SPATA7: variants seen among roughly 807,000 people sequenced by gnomAD.
SPATA7 encodes the protein spermatogenesis-associated protein 7.
In SPATA7, 43 loss-of-function variants were observed where a neutral mutation model predicts 51.8. The observed-to-expected ratio is 0.83, with a 90% confidence interval of 0.65 to 1.07. SPATA7 has a LOEUF of 1.07. Ranked by LOEUF, SPATA7 falls within the 50% of genes least tolerant of loss-of-function variation. The probability of loss-of-function intolerance (pLI) is 0.00; values close to 1 mark genes in which losing one functional copy is unlikely to be tolerated. For synonymous variants in SPATA7, 230 were observed against 252.8 expected, an observed-to-expected ratio of 0.91 and a Z score of 0.86; for missense variants, 683 against 701.3, an observed-to-expected ratio of 0.97 and a Z score of 0.30.
At chr14:88,461,667 G>A (rs981171207) in intron 4 of SPATA7, among the ~76,000 whole-genome samples, 6 of 152,138 alleles carry the variant, frequency 3.9e-5, no homozygotes, top group African/African-American at 7.2e-5. Context: ...CGGCTGAGGC[G>A]ATGCCTCACC....
intron 5 of SPATA7, among the ~76,000 whole-genome samples, chr14:88,420,969 T>C (rs1049246984): frequency 6.6e-6 from 1 of 151,794 alleles, no homozygotes; most frequent in African/African-American, 2.4e-5. Flanking sequence ...AAAAAAAAAT[T>C]AGCCAGGAGT....
intron 4 of SPATA7, chr14:88,468,270 G>C: frequency 6.3e-7 from 1 of 1,591,708 alleles, no homozygotes; most frequent in South Asian, 1.1e-5. Context: ...CAGCACCTAG[G>C]TTGAGAGAAA....
At chr14:88,459,017 T>C (rs760146932), downstream of SPATA7, among the ~76,000 whole-genome samples, 1 of 152,238 alleles carries the variant, frequency 6.6e-6, no homozygotes, top group Admixed American at 6.5e-5. Context: ...TCAGTTTCCA[T>C]GTAGTTGAGC....
downstream of SPATA7, among the ~76,000 whole-genome samples, chr14:88,460,038 C>T (rs965324919): frequency 1.3e-5 from 2 of 152,118 alleles, no homozygotes; most frequent in Non-Finnish European, 2.9e-5. Context: ...GAATATTGGC[C>T]CCCACTCTCT....
chr14:88,448,864 TG>T (rs1440418996), intron 3 of SPATA7, among the ~76,000 whole-genome samples: 50 of 152,176 alleles, frequency 3.3e-4, no homozygotes, highest in Non-Finnish European at 8.8e-5. Flanking sequence ...AGCTGCGTGC[TG>T]GGAGAACCAC....
intron 4 of SPATA7, among the ~76,000 whole-genome samples, chr14:88,397,882 G>A (rs2075933919): frequency 6.6e-6 from 1 of 152,056 alleles, no homozygotes; most frequent in African/African-American, 2.4e-5. Context: ...AGGAGATCGA[G>A]ACCAACCTGG....
intron 7 of SPATA7, chr14:88,428,344 AAC>A (rs1375764436): frequency 2.0e-5 from 3 of 152,162 alleles, no homozygotes; most frequent in Non-Finnish European, 2.9e-5. Flanking sequence ...TAAAATGTCA[AAC>A]ACAGATCCAG....
intron 3 of SPATA7, among the ~76,000 whole-genome samples, chr14:88,449,499 A>C (rs1555379324): frequency 6.6e-6 from 1 of 152,284 alleles, no homozygotes; most frequent in Non-Finnish European, 1.5e-5. Context: ...CCTATCATAT[A>C]TGGTCTATCT....
Position 88,426,225 on chromosome 14 carries a change from T to A in SPATA7, c.373-7T>A. On this transcript the variant is annotated splice_region_variant and splice_polypyrimidine_tract_variant and intron_variant, in intron 5 of 11. Transcript: ENST00000393545. Reference sequence around the variant, plus strand: ...CAGTTGATGACTGTCATATCGAATGTTCTTAGCCCTCAGGCGAACCGCAAA... The same window carrying A: ...CAGTTGATGACTGTCATATCGAATGATCTTAGCCCTCAGGCGAACCGCAAA... The A allele has an allele frequency of 6.2e-7, 1 of 1,606,144 alleles. No homozygotes were observed. Among genetic ancestry groups the A allele is most frequent in the South Asian group, 1.1e-5 (1 of 90,782 alleles).
At chr14:88,389,702 C>A (rs944475050) in intron 1 of SPATA7, among the ~76,000 whole-genome samples, 1 of 152,144 alleles carries the variant, frequency 6.6e-6, no homozygotes, top group Admixed American at 6.5e-5. Context: ...TATTAACCAC[C>A]TTGTTCACAG....
chr14:88,412,444 A>T (rs577097966), intron 4 of SPATA7, among the ~76,000 whole-genome samples: 1 of 152,158 alleles, frequency 6.6e-6, no homozygotes, highest in South Asian at 2.1e-4. Flanking sequence ...GGAAGCATCC[A>T]GCACAGGAGG....
At chr14:88,385,966 A>G in intron 1 of SPATA7, 129 bp downstream of exon 1, 3 of 1,531,206 alleles carry the variant, frequency 2.0e-6, no homozygotes, top group Non-Finnish European at 2.6e-6. Flanking sequence ...CTGAGTCGCC[A>G]GTGTTGCCTG....
At chr14:88,386,817 A>T (rs2075592694) in intron 1 of SPATA7, among the ~76,000 whole-genome samples, 1 of 152,148 alleles carries the variant, frequency 6.6e-6, no homozygotes, top group African/African-American at 2.4e-5. Context: ...CTTTCTTTGA[A>T]TGAGTCTGCC....
chr14:88,466,719 C>G (rs2077369636), intron 4 of SPATA7: 2 of 152,104 alleles, frequency 1.3e-5, no homozygotes, highest in Non-Finnish European at 2.9e-5. Flanking sequence ...TGGGATGTGC[C>G]TAAATGGGAT....
chr14:88,432,274 C>T (rs1191105688), intron 9 of SPATA7, among the ~76,000 whole-genome samples: 3 of 151,932 alleles, frequency 2.0e-5, no homozygotes, highest in African/African-American at 7.2e-5. Flanking sequence ...TTCAAATATG[C>T]TGTTTTTAAA....
chr14:88,429,577 G>A, intron 8 of SPATA7, 114 bp downstream of exon 8: 2 of 629,652 alleles, frequency 3.2e-6, no homozygotes, highest in East Asian at 2.9e-5. Context: ...AATCTATTTT[G>A]GTGTTATGTA....
intron 3 of SPATA7, among the ~76,000 whole-genome samples, chr14:88,444,218 A>C (rs1277408311): frequency 6.6e-6 from 1 of 152,022 alleles, no homozygotes; most frequent in Non-Finnish European, 1.5e-5. Flanking sequence ...TTTGATTTGC[A>C]TATCTCTGAT....
chr14:88,408,242 G>GCATGTAAT (rs565226045), intron 4 of SPATA7, among the ~76,000 whole-genome samples: 212 of 152,268 alleles, frequency 1.4e-3, no homozygotes, highest in African/African-American at 4.9e-3. Flanking sequence ...CTATCCATGA[G>GCATGTAAT]CATGTAATGG....
intron 10 of SPATA7, among the ~76,000 whole-genome samples, chr14:88,433,824 A>G (rs2077003150): frequency 6.6e-6 from 1 of 152,196 alleles, no homozygotes. Flanking sequence ...TAATATGCCA[A>G]GCATAGACAT....
Sources: gnomAD v4.1 joint callset for allele counts (sites outside exome capture counted in the v4.1 genomes callset) on GRCh38, gnomAD v4.1.1 for gene constraint, MANE v1.5 for transcripts, NCBI Gene and HGNC (gene_info 2026-07-23, HGNC 2026-07-21) for gene names.